The following TPRG1 variants were observed in gnomAD, a reference collection of about 807,000 sequenced individuals.
TPRG1 encodes tumor protein p63-regulated gene 1 protein.
Under a neutral mutation model 29.3 loss-of-function variants are expected in TPRG1, and 29 were observed. The ratio of observed to expected loss-of-function variants is 0.99; its 90% CI spans 0.74 to 1.35. The LOEUF (loss-of-function observed/expected upper bound fraction) is 1.35, where lower values mean the gene tolerates loss of function less well. Ranked by LOEUF, TPRG1 falls within the 40% of genes most tolerant of loss-of-function variation. The pLI, the probability that TPRG1 is intolerant of heterozygous loss-of-function variation, is 0.00. For missense variants in TPRG1, 327 were observed against 335.0 expected (o/e 0.98, Z 0.19); for synonymous variants, 130 against 116.8 (o/e 1.11, Z -0.73).
intron 4 of TPRG1, among the ~76,000 whole-genome samples, chr3:189,252,652 A>T (rs1742472573): frequency 6.6e-6 from 1 of 152,124 alleles, no homozygotes; most frequent in Admixed American, 6.6e-5. Flanking sequence ...CTGCTATTTG[A>T]ATTTGGACAA....
chr3:189,188,835 C>A (rs1340161465), intron 1 of TPRG1, among the ~76,000 whole-genome samples: 1 of 152,164 alleles, frequency 6.6e-6, no homozygotes, highest in Non-Finnish European at 1.5e-5. Context: ...GCAGCCTTTG[C>A]ATATCAGTGG....
intron 4 of TPRG1, among the ~76,000 whole-genome samples, chr3:189,044,880 C>A (rs979268983): frequency 1.3e-5 from 2 of 152,128 alleles, no homozygotes; most frequent in African/African-American, 2.4e-5. Flanking sequence ...TTTAAACATA[C>A]AAGAGTATAG....
chr3:189,234,856 A>C (rs1739209901), intron 3 of TPRG1, among the ~76,000 whole-genome samples: 1 of 152,190 alleles, frequency 6.6e-6, no homozygotes, highest in Admixed American at 6.5e-5. Context: ...TGTGGTCTGA[A>C]AGTGTATATC....
In TPRG1 at chr3:189,191,009, G is replaced by A. The variant is rs1731610002; in HGVS notation, c.-9-16367G>A. ...CAGGTAGGTCTTTTAATTTTCTCAG[G>A]ACATTTACTGTCTATTCTGGCTAAT... On this transcript the variant is annotated intron_variant, in intron 1 of 5. Transcript: ENST00000345063. 6.1e-6 allele frequency: 6 copies of A among 985,036 alleles called. No homozygotes were observed. In the South Asian group the frequency reaches 1.4e-4, roughly 23 times the overall value. 61.0% of individuals were successfully genotyped at this position (985,036 alleles called of 1,614,324 possible). A position where few individuals can be genotyped will look rare whatever the true frequency, so the allele number is the denominator to read the frequency against.
rs528564232 is a variant in TPRG1, at chr3:189,252,321, CTCTT to C, written c.479+13418_479+13421del. Reference sequence around the variant, plus strand: ...CACAGACACAGTAGCAATCTGATCTCTCTTTCTTTTCCCCACACTCTTTGGATCA... The same window carrying C: ...CACAGACACAGTAGCAATCTGATCTCTCTTTTCCCCACACTCTTTGGATCA... On this transcript the variant is annotated intron_variant, in intron 4 of 5. Coordinates refer to ENST00000345063, the MANE Select transcript of TPRG1 (RefSeq NM_198485.4). 2.4e-3 allele frequency among the ~76,000 whole-genome samples: 367 copies of C among 152,230 alleles called. 2 individuals are homozygous for C. Among genetic ancestry groups the C allele is most frequent in the Non-Finnish European group, 4.3e-3 (295 of 68,020 alleles).
intron 4 of TPRG1, among the ~76,000 whole-genome samples, chr3:189,307,094 C>T (rs1285565747): frequency 6.6e-6 from 1 of 152,174 alleles, no homozygotes; most frequent in Admixed American, 6.5e-5. Context: ...ATGATCTTGG[C>T]TCACTGCTAC....
Position 189,323,863 on chromosome 3 carries a change from C to A in TPRG1, c.*3043C>A, listed in dbSNP as rs770841995. 1.8e-4 allele frequency: 28 copies of A among 152,088 alleles called. No individual in the cohort carries two copies. Among genetic ancestry groups the A allele is most frequent in the Non-Finnish European group, 5.9e-5 (4 of 68,010 alleles). 9.4% of individuals were successfully genotyped at this position (152,088 alleles called of 1,614,324 possible). On this transcript the variant is annotated 3_prime_UTR_variant, in exon 6 of 6. Transcript: ENST00000345063. ...GGTCTTTATCTCATTCAGGAATTTCCACTTGAAAAATCTCTGATAAGCTTT... is the reference window on the plus strand; with the variant it reads ...GGTCTTTATCTCATTCAGGAATTTCAACTTGAAAAATCTCTGATAAGCTTT...
chr3:189,091,407 A>G (rs906600192), intron 4 of TPRG1, among the ~76,000 whole-genome samples: 2 of 152,160 alleles, frequency 1.3e-5, no homozygotes, highest in Admixed American at 6.5e-5. Context: ...TTACCACCAC[A>G]ATTGAGATAT....
intron 4 of TPRG1, among the ~76,000 whole-genome samples, chr3:189,258,662 C>A (rs1481004471): frequency 2.0e-5 from 3 of 152,198 alleles, no homozygotes; most frequent in Non-Finnish European, 4.4e-5. Context: ...CTATAAGCCC[C>A]TGATTGGGGC....
intron 4 of TPRG1, among the ~76,000 whole-genome samples, chr3:189,280,172 A>G (rs570629657): frequency 6.6e-6 from 1 of 152,274 alleles, no homozygotes; most frequent in African/African-American, 2.4e-5. Context: ...CAACAGGACT[A>G]GCACCATAGT....
chr3:189,013,986 C>G (rs933996483), intron 3 of TPRG1, among the ~76,000 whole-genome samples: 21 of 152,126 alleles, frequency 1.4e-4, no homozygotes, highest in Admixed American at 5.9e-4. Context: ...CATTGGGGGC[C>G]CATGTCGTCT....
At chr3:189,254,536 A>T (rs899037610) in intron 4 of TPRG1, among the ~76,000 whole-genome samples, 1 of 151,874 alleles carries the variant, frequency 6.6e-6, no homozygotes, top group Non-Finnish European at 1.5e-5. Flanking sequence ...AACTTAATGT[A>T]TTTTTTCCTA....
chr3:189,015,912 G>A lies in TPRG1; in HGVS notation c.-659-7838G>A, dbSNP rs553663059. 2.6e-4 allele frequency among the ~76,000 whole-genome samples: 40 copies of A among 152,338 alleles called. No homozygotes were observed. The South Asian group carries it at 8.1e-3, about 31-fold the overall frequency. ...ATCCCTCATGGAGAGCCTGTACAAA[G>A]TCAGTACAGAGGGGAAATGTGGAGT... is the stretch of plus-strand genomic sequence containing the variant. On this transcript the variant is annotated intron_variant, in intron 3 of 10. Coordinates refer to the TPRG1 transcript ENST00000433971.
chr3:189,010,545 A>AT (rs748343853), intron 3 of TPRG1, among the ~76,000 whole-genome samples: 2 of 151,962 alleles, frequency 1.3e-5, no homozygotes, highest in African/African-American at 4.8e-5. Context: ...GATGTTGAGC[A>AT]TTTTTTTCAT....
At chr3:189,232,554 T>A (rs2108912100) in intron 3 of TPRG1, among the ~76,000 whole-genome samples, 1 of 152,300 alleles carries the variant, frequency 6.6e-6, no homozygotes, top group South Asian at 2.1e-4. Flanking sequence ...ATATTCCCCC[T>A]CACATCTCAG....
intron 3 of TPRG1, among the ~76,000 whole-genome samples, chr3:189,234,106 T>TG (rs1739084098): frequency 6.6e-6 from 1 of 152,300 alleles, no homozygotes; most frequent in East Asian, 1.9e-4. Context: ...CTCAAACTCC[T>TG]GGGCTCAAGT....
At chr3:189,212,462 G>T (rs1350679921) in intron 2 of TPRG1, among the ~76,000 whole-genome samples, 1 of 152,048 alleles carries the variant, frequency 6.6e-6, no homozygotes, top group African/African-American at 2.4e-5. Context: ...TATTGTTATT[G>T]CCTGTGTGGG....
chr3:189,190,361 T>A (rs528325966), intron 1 of TPRG1, among the ~76,000 whole-genome samples: 2 of 152,292 alleles, frequency 1.3e-5, no homozygotes, highest in African/African-American at 4.8e-5. Flanking sequence ...AGCTTCAGTT[T>A]CTATCTGGTC....
intron 2 of TPRG1, among the ~76,000 whole-genome samples, chr3:189,128,318 G>A (rs1410655914): frequency 1.3e-5 from 2 of 152,044 alleles, no homozygotes; most frequent in East Asian, 3.9e-4. Flanking sequence ...GCCTGGAGGA[G>A]GGAAGAAGAC....
Sources: gnomAD v4.1 joint callset for allele counts (sites outside exome capture counted in the v4.1 genomes callset) on GRCh38, gnomAD v4.1.1 for gene constraint, MANE v1.5 for transcripts, NCBI Gene and HGNC (gene_info 2026-07-23, HGNC 2026-07-21) for gene names.